SIGLEC1: variants seen among roughly 807,000 people sequenced by gnomAD.
SIGLEC1 encodes sialoadhesin.
Under a neutral mutation model 148.0 loss-of-function variants are expected in SIGLEC1, and 132 were observed. The observed-to-expected ratio is 0.89, with a 90% confidence interval of 0.77 to 1.03. SIGLEC1 has a LOEUF of 1.03. SIGLEC1 is among the 50% of genes least tolerant of loss of function. The probability of loss-of-function intolerance (pLI) is 0.00; values close to 1 mark genes in which losing one functional copy is unlikely to be tolerated. For synonymous variants in SIGLEC1, 945 were observed against 969.0 expected, an observed-to-expected ratio of 0.98 and a Z score of 0.46; for missense variants, 2,253 against 2,271.4, an observed-to-expected ratio of 0.99 and a Z score of 0.16.
chr20:3,695,359 G>A lies in SIGLEC1; in HGVS notation c.2684-436C>T, dbSNP rs139652389. On this transcript the variant is annotated intron_variant, in intron 11 of 21. Transcript: ENST00000344754. ...TAACTAGGATCTGGACTCAGCATGGGTGACCGAGGGCTTGGAAGGGAATGT... is the reference window on the plus strand; with the variant it reads ...TAACTAGGATCTGGACTCAGCATGGATGACCGAGGGCTTGGAAGGGAATGT... Among the ~76,000 whole-genome samples, 247 of 152,340 alleles carry A rather than the reference G, an allele frequency of 1.6e-3. 2 individuals are homozygous for A. Among genetic ancestry groups the A allele is most frequent in the African/African-American group, 5.7e-3 (237 of 41,570 alleles).
chr20:3,692,717 T>C lies in SIGLEC1; in HGVS notation c.3834A>G (p.Thr1278=), dbSNP rs747861741. 5 of 1,612,506 alleles carry C rather than the reference T, an allele frequency of 3.1e-6. No individual in the cohort carries two copies. In the African/African-American group the frequency reaches 6.7e-5, roughly 22 times the overall value. The change falls in exon 16 of 22, where the codon ACA becomes ACG. Residue 1278 remains threonine (T), a synonymous_variant. Transcript: ENST00000344754. ...EAAVPEGAPI[T]VTCADPAAHA... ...GGGCAGCAGGGTCCGCACAGGTCAC[T>C]GTGATGGGGGCACCTTCAGGCACGG...
Position 3,703,992 on chromosome 20 carries a change from G to C in SIGLEC1, c.806C>G (p.Pro269Arg), listed in dbSNP as rs1237221510. The change falls in exon 5 of 22, where the codon CCT becomes CGT. Residue 269 changes from proline to arginine, a missense_variant. By Grantham distance (103) the Pro-to-Arg change is moderately radical. Coordinates refer to ENST00000344754, the MANE Select transcript of SIGLEC1 (RefSeq NM_023068.4). ...TLTCQVNSSY[P>R]AVSSIKWLKD... ...GAGCCACTTAATGGAACTGACTGCAGGGTAGCTGCTGTTCACCTGGCAGGT... is the reference window on the plus strand; with the variant it reads ...GAGCCACTTAATGGAACTGACTGCACGGTAGCTGCTGTTCACCTGGCAGGT... The C allele has an allele frequency of 6.2e-7, 1 of 1,612,952 alleles. No individual in the cohort carries two copies. The highest frequency in any genetic ancestry group is 8.5e-7 in the Non-Finnish European group (1 of 1,179,344).
Position 3,694,330 on chromosome 20 carries a change from T to A in SIGLEC1, c.3147A>T (p.Thr1049=). Residue 1049 remains threonine (T), a synonymous_variant, in exon 13 of 22, where the codon ACA becomes ACT. Transcript: ENST00000344754. ...PRLHVAVAPN[T]LRLEIHGAML... The stretch of plus-strand genomic sequence containing the variant: ...TAGCCCCGTGGATCTCCAGACGCAG[T>A]GTGTTGGGGGCCACAGCCACATGCA... 1.2e-6 allele frequency: 2 copies of A among 1,613,134 alleles called. No homozygotes were observed.
rs1290540726 is a variant in SIGLEC1, at chr20:3,688,502, C to T, written c.*58G>A. On this transcript the variant is annotated 3_prime_UTR_variant, in exon 22 of 22. Transcript: ENST00000344754. ...ACACTGCCTCATTCACATTCATAGGCTGGAGTCATCACAGATTCTGGCCAC... is the reference window on the plus strand; with the variant it reads ...ACACTGCCTCATTCACATTCATAGGTTGGAGTCATCACAGATTCTGGCCAC... The T allele has an allele frequency of 7.3e-7, 1 of 1,372,420 alleles. No individual in the cohort carries two copies. Among genetic ancestry groups the T allele is most frequent in the Non-Finnish European group, 1.0e-6 (1 of 982,950 alleles). 85.0% of individuals were successfully genotyped at this position (1,372,420 alleles called of 1,614,324 possible).
rs774832720 is a variant in SIGLEC1 at position 3,689,187 on chromosome 20, C to T, written c.5038G>A (p.Val1680Met). ...GTCTCTTTCTGAAAAGCCATCTCCA[C>T]CGAATTCTCGCCCATGCTCTGCTTA... Reference protein sequence around the residue: ...VCKQSMGENSVEMAFQKETTQ... With the variant: ...VCKQSMGENSMEMAFQKETTQ... The change falls in exon 21 of 22, where the codon GTG becomes ATG. Residue 1680 changes from valine (V) to methionine (M), a missense_variant. By Grantham distance (21) the Val-to-Met change is conservative. Coordinates refer to ENST00000344754, the MANE Select transcript of SIGLEC1 (RefSeq NM_023068.4). The T allele has an allele frequency of 1.2e-6, 2 of 1,614,198 alleles. No homozygotes were observed. Among genetic ancestry groups the T allele is most frequent in the Non-Finnish European group, 1.7e-6 (2 of 1,180,024 alleles).
Position 3,706,344 on chromosome 20 carries a change from C to T in SIGLEC1, c.409+3G>A, listed in dbSNP as rs932356279. The T allele has an allele frequency of 1.2e-6, 2 of 1,602,490 alleles. No individual in the cohort carries two copies. The highest frequency in any genetic ancestry group is 1.7e-5 in the Admixed American group (1 of 59,780). ...GGGGCAGCCAGGCCACCCCACTTAT[C>T]ACCTGTTACTGTGACCAAGGTGCCT... On this transcript the variant is annotated splice_donor_region_variant and intron_variant, in intron 3 of 21. Coordinates refer to ENST00000344754, the MANE Select transcript of SIGLEC1 (RefSeq NM_023068.4).
chr20:3,693,201 T>C lies in SIGLEC1; in HGVS notation c.3509-70A>G, dbSNP rs1600281235. The C allele has an allele frequency of 4.0e-6, 6 of 1,482,844 alleles. No homozygotes were observed. In the East Asian group the frequency reaches 1.1e-4, roughly 28 times the overall value. The allele number at this position is 1,482,844 out of a possible 1,614,324, so 91.9% of individuals were successfully genotyped here. A position where few individuals can be genotyped will look rare whatever the true frequency, so the allele number is the denominator to read the frequency against. ...GCAGGAGGCCAGTTTGCAGGTGGCA[T>C]TCAAACTCAGGAGGGCCCTGGCTCC... On this transcript the variant is annotated intron_variant, in intron 14 of 21. Coordinates refer to ENST00000344754, the MANE Select transcript of SIGLEC1 (RefSeq NM_023068.4).
intron 7 of SIGLEC1, among the ~76,000 whole-genome samples, chr20:3,700,697 C>CTTTTTTTT (rs71195856): frequency 2.5e-5 from 3 of 119,884 alleles, no homozygotes; most frequent in Non-Finnish European, 3.4e-5. Context: ...TTTTCTTTTT[C>CTTTTTTTT]TTTTTTTTTT....
intron 14 of SIGLEC1, 139 bp from the exon 15 acceptor site, chr20:3,693,270 T>C: frequency 8.3e-7 from 1 of 1,206,570 alleles, no homozygotes; most frequent in East Asian, 2.5e-5. Context: ...GCACTGCTCC[T>C]CTGCCCAGAC....
In SIGLEC1 at chr20:3,702,141, G is replaced by C. The variant is rs113886893; in HGVS notation, c.1229-500C>G. Among the ~76,000 whole-genome samples the C allele has an allele frequency of 5.9e-3, 902 of 152,234 alleles. 4 individuals carry two copies. The highest frequency in any genetic ancestry group is 0.02 in the African/African-American group (841 of 41,536). ...TCAAGAATGACAAGGAAAGACTGAG[G>C]AACAGTCTCAGACTAACGGAGAATG... On this transcript the variant is annotated intron_variant, in intron 6 of 21. Transcript: ENST00000344754.
chr20:3,701,385 G>C lies in SIGLEC1; in HGVS notation c.1485C>G (p.Asn495Lys). ...DSGEYKCSAT[N>K]SLGNATSTLD... ...GGGTGGAGGTTGCATTTCCAAGGGA[G>C]TTGGTGGCTGAGCACTTGTACTCCC... The change falls in exon 7 of 22, where the codon AAC becomes AAG. Residue 495 changes from asparagine (N) to lysine (K), a missense_variant. Physicochemically the swap from Asn to Lys is moderately conservative, Grantham distance 94. Coordinates refer to ENST00000344754, the MANE Select transcript of SIGLEC1 (RefSeq NM_023068.4). 6.2e-7 allele frequency: 1 copy of C among 1,613,964 alleles called. No homozygotes were observed. Among genetic ancestry groups the C allele is most frequent in the East Asian group, 2.2e-5 (1 of 44,894 alleles).
chr20:3,691,212 G>C (rs1021355105), intron 18 of SIGLEC1, 128 bp downstream of exon 18: 2 of 1,169,116 alleles, frequency 1.7e-6, no homozygotes, highest in South Asian at 2.8e-5. Context: ...CAGCGGGAGA[G>C]CCAGGATTCC....
rs1178291413 is a variant in SIGLEC1, at chr20:3,710,548, G to A, written c.-110+1922C>T. ...GGCCACTGGAGAATGATATAGCTGG[G>A]GCCCTGGGACCTGGACACCTCACCG... On this transcript the variant is annotated intron_variant, in intron 1 of 21. Transcript: ENST00000344754. This position sits in a 1 kb window ranked among gnomAD's most constrained non-coding sequence, Gnocchi z 4.6. Among the ~76,000 whole-genome samples, 1 of 152,154 alleles carries A rather than the reference G, an allele frequency of 6.6e-6. No homozygotes were observed. Among genetic ancestry groups the A allele is most frequent in the African/African-American group, 2.4e-5 (1 of 41,426 alleles).
intron 6 of SIGLEC1, 42 bp from the exon 7 acceptor site, chr20:3,701,683 G>C: frequency 1.3e-6 from 2 of 1,505,642 alleles, no homozygotes; most frequent in Non-Finnish European, 1.8e-6. Context: ...CTCAGACAAG[G>C]GCATTCCCTG....
chr20:3,703,604 A>G (rs1354198550), intron 5 of SIGLEC1, among the ~76,000 whole-genome samples, 153 bp from the exon 6 acceptor site: 3 of 152,096 alleles, frequency 2.0e-5, no homozygotes, highest in Admixed American at 6.5e-5. Flanking sequence ...AGTGCTCTGC[A>G]TCTCTTTGTC....
chr20:3,697,489 T>C, intron 9 of SIGLEC1, 147 bp from the exon 10 acceptor site: 3 of 1,000,448 alleles, frequency 3.0e-6, no homozygotes, highest in Non-Finnish European at 4.4e-6. Context: ...CAGGGCAGCC[T>C]AGGAGAAGTG....
At chr20:3,698,257 G>T in intron 8 of SIGLEC1, 124 bp from the exon 9 acceptor site, 1 of 845,942 alleles carries the variant, frequency 1.2e-6, no homozygotes, top group South Asian at 1.9e-5. Flanking sequence ...CAGCTGTGCA[G>T]ACTGTGCACT....
chr20:3,700,697 C>CTTA (rs1417908484), intron 7 of SIGLEC1, among the ~76,000 whole-genome samples: 7 of 119,886 alleles, frequency 5.8e-5, no homozygotes. Flanking sequence ...TTTTCTTTTT[C>CTTA]TTTTTTTTTT....
intron 7 of SIGLEC1, 87 bp downstream of exon 7, chr20:3,701,255 G>A (rs2087848433): frequency 1.6e-6 from 2 of 1,264,416 alleles, no homozygotes; most frequent in Non-Finnish European, 2.2e-6. Flanking sequence ...CTGCGGTTGA[G>A]TCCACTAGAC....
Sources: gnomAD v4.1 joint callset for allele counts (sites outside exome capture counted in the v4.1 genomes callset) on GRCh38, gnomAD v4.1.1 for gene constraint, Gnocchi (gnomAD v3.1) non-coding constraint, MANE v1.5 for transcripts, NCBI Gene and HGNC (gene_info 2026-07-23, HGNC 2026-07-21) for gene names.